DNAH9: variants seen among roughly 807,000 people sequenced by gnomAD.
The protein encoded by DNAH9 is dynein axonemal heavy chain 9.
DNAH9 carries 345 observed loss-of-function variants against 471.6 expected under a neutral mutation model. The ratio of observed to expected loss-of-function variants is 0.73; its 90% CI spans 0.67 to 0.80. The LOEUF (loss-of-function observed/expected upper bound fraction) is 0.80. Among genes scored for constraint, DNAH9 ranks in the 30% least tolerant of loss-of-function variants. DNAH9 has a pLI of 0.00. For missense variants in DNAH9, 5,407 were observed against 5,609.2 expected (o/e 0.96, Z 1.15); for synonymous variants, 2,093 against 2,123.6 (o/e 0.99, Z 0.40).
Position 11,757,635 on chromosome 17 carries a change from A to C in DNAH9, c.6938A>C (p.Asn2313Thr). The C allele has an allele frequency of 6.2e-7, 1 of 1,614,202 alleles. No homozygotes were observed. The highest frequency in any genetic ancestry group is 8.5e-7 in the Non-Finnish European group (1 of 1,180,018). ...EKREIQTERA[N>T]LTILFDKYLP... ...AGGGAAATCCAGACAGAGAGAGCCA[A>C]CTTAACCATTTTGTTCGACAAGTAT... Residue 2313 changes from asparagine to threonine, a missense_variant, in exon 35 of 69, where the codon AAC becomes ACC. Physicochemically the swap from Asn to Thr is moderately conservative, Grantham distance 65. This residue lies in a region of DNAH9 where 4,636 missense variants were observed against 4,900.3 expected (regional missense o/e 0.95). Coordinates refer to ENST00000262442, the MANE Select transcript of DNAH9 (RefSeq NM_001372.4).
chr17:11,604,961 T>C (rs967578770), intron 1 of DNAH9, among the ~76,000 whole-genome samples: 1 of 152,284 alleles, frequency 6.6e-6, no homozygotes, highest in South Asian at 2.1e-4. Flanking sequence ...AAACTTTCAA[T>C]GATGTCCATT....
intron 48 of DNAH9, among the ~76,000 whole-genome samples, chr17:11,827,931 G>A (rs562564502): frequency 3.3e-5 from 5 of 151,970 alleles, no homozygotes; most frequent in East Asian, 1.9e-4. Context: ...GGTGATCCAC[G>A]TCCTTGGTTC....
At chr17:11,795,202 C>T (rs1969201502) in intron 42 of DNAH9, among the ~76,000 whole-genome samples, 1 of 152,108 alleles carries the variant, frequency 6.6e-6, no homozygotes, top group Non-Finnish European at 1.5e-5. Flanking sequence ...TAATAATTTA[C>T]ATAATGAATG....
chr17:11,749,417 C>A (rs946614193), intron 32 of DNAH9, among the ~76,000 whole-genome samples: 3 of 151,984 alleles, frequency 2.0e-5, no homozygotes, highest in Admixed American at 1.3e-4. Context: ...AAGATATTAA[C>A]CCCTTATCTG....
intron 49 of DNAH9, among the ~76,000 whole-genome samples, chr17:11,844,882 T>G (rs1971160146): frequency 6.6e-6 from 1 of 152,204 alleles, no homozygotes; most frequent in Admixed American, 6.5e-5. Flanking sequence ...CGGTTTTGAT[T>G]TGCATTTCTC....
chr17:11,735,412 T>A (rs1567760084), intron 28 of DNAH9, among the ~76,000 whole-genome samples: 1 of 152,062 alleles, frequency 6.6e-6, no homozygotes, highest in Non-Finnish European at 1.5e-5. Context: ...GCTTTCCATT[T>A]TTTTTTGTTT....
intron 55 of DNAH9, among the ~76,000 whole-genome samples, chr17:11,881,872 A>T (rs1231902171): frequency 6.6e-6 from 1 of 151,954 alleles, no homozygotes; most frequent in East Asian, 1.9e-4. Context: ...AGATCGTGCC[A>T]CTGCACTCCA....
chr17:11,655,923 CATACAT>C (rs2073636944), intron 14 of DNAH9, among the ~76,000 whole-genome samples: 1 of 152,066 alleles, frequency 6.6e-6, no homozygotes, highest in Non-Finnish European at 1.5e-5. Context: ...TACACACACA[CATACAT>C]ATACATATCA....
At chr17:11,637,978 G>A (rs1338529668) in intron 9 of DNAH9, among the ~76,000 whole-genome samples, 5 of 152,132 alleles carry the variant, frequency 3.3e-5, no homozygotes, top group Non-Finnish European at 7.3e-5. Flanking sequence ...AAGCAGATAT[G>A]AGAGGATATG....
intron 53 of DNAH9, 59 bp from the exon 54 acceptor site, chr17:11,880,019 G>T (rs932479111): frequency 6.9e-5 from 111 of 1,601,640 alleles, no homozygotes; most frequent in Middle Eastern, 5.0e-4. Context: ...TCATTAAATG[G>T]TCTCAACTCC....
chr17:11,686,823 C>T (rs1397021495), intron 19 of DNAH9, among the ~76,000 whole-genome samples: 1 of 152,172 alleles, frequency 6.6e-6, no homozygotes, highest in African/African-American at 2.4e-5. Context: ...TCCTATCTTA[C>T]CTAAAAAGTT....
rs1179817622 is a variant in DNAH9 at position 11,744,830 on chromosome 17, T to A, written c.6145T>A (p.Ser2049Thr). 1.2e-6 allele frequency: 2 copies of A among 1,614,020 alleles called. No individual in the cohort carries two copies. Among genetic ancestry groups the A allele is most frequent in the Non-Finnish European group, 8.5e-7 (1 of 1,179,930 alleles). ...CGACTGGGGCCTACGGGCCATCAAG[T>A]CCGTGCTGGTGGTGGCAGGATCCCT... ...HYDWGLRAIK[S>T]VLVVAGSLKR... The change falls in exon 31 of 69, where the codon TCC becomes ACC. Residue 2049 changes from serine (S) to threonine (T), a missense_variant. Around this residue, in one of 3 missense-constraint regions of DNAH9, gnomAD observed 4,636 missense variants for 4,900.3 expected, o/e 0.95. Transcript: ENST00000262442.
chr17:11,752,911 T>C lies in DNAH9; in HGVS notation c.6689T>C (p.Ile2230Thr), dbSNP rs925876833. 2.5e-6 allele frequency: 4 copies of C among 1,608,382 alleles called. No homozygotes were observed. In the African/African-American group the frequency reaches 5.3e-5, roughly 22 times the overall value. ...AAGTGGATTTTACTGGATGGCGACA[T>C]AGATCCAATGTGGATTGAATCCCTG... ...GPKWILLDGD[I>T]DPMWIESLNT... The change falls in exon 33 of 69, where the codon ATA becomes ACA. Residue 2230 changes from isoleucine to threonine, a missense_variant. By Grantham distance (89) the Ile-to-Thr change is moderately conservative. Coordinates refer to ENST00000262442, the MANE Select transcript of DNAH9 (RefSeq NM_001372.4).
intron 57 of DNAH9, among the ~76,000 whole-genome samples, chr17:11,888,770 G>GAAAAAT (rs1260838101): frequency 1.6e-4 from 24 of 152,286 alleles, no homozygotes; most frequent in Non-Finnish European, 2.9e-5. Flanking sequence ...CTGTTTTGAA[G>GAAAAAT]AAAAATGGGC....
At chr17:11,835,972 T>C (rs1970838231) in intron 49 of DNAH9, among the ~76,000 whole-genome samples, 1 of 152,196 alleles carries the variant, frequency 6.6e-6, no homozygotes, top group Non-Finnish European at 1.5e-5. Context: ...TCTAGATTTC[T>C]GGGATGTAAG....
At position 11,821,901 on chromosome 17, in the gene DNAH9, G is replaced by C. The variant is rs375662892; in HGVS notation, c.8708-19G>C. The C allele has an allele frequency of 6.2e-7, 1 of 1,604,460 alleles. No individual in the cohort carries two copies. Among genetic ancestry groups the C allele is most frequent in the Non-Finnish European group, 8.5e-7 (1 of 1,176,732 alleles). ...AACGAGATGCCAAGGCTGCCTATCTGTGCTCCATTTTTTCCCAGGGGAGAT... is the reference window on the plus strand; with the variant it reads ...AACGAGATGCCAAGGCTGCCTATCTCTGCTCCATTTTTTCCCAGGGGAGAT... On this transcript the variant is annotated intron_variant, in intron 45 of 68. Coordinates refer to ENST00000262442, the MANE Select transcript of DNAH9 (RefSeq NM_001372.4).
chr17:11,898,084 T>G (rs1973275502), intron 59 of DNAH9, among the ~76,000 whole-genome samples: 2 of 152,080 alleles, frequency 1.3e-5, no homozygotes, highest in Admixed American at 1.3e-4. Context: ...GGCTGTCTTC[T>G]GTGTCCCTCT....
intron 61 of DNAH9, among the ~76,000 whole-genome samples, chr17:11,921,560 A>T (rs908794726): frequency 6.6e-6 from 1 of 152,154 alleles, no homozygotes; most frequent in Non-Finnish European, 1.5e-5. Context: ...CAACAATCTG[A>T]AGGTGAAATC....
chr17:11,654,355 CAAAAA>C (rs527835262), intron 14 of DNAH9, among the ~76,000 whole-genome samples: 4 of 11,258 alleles, frequency 3.6e-4, no homozygotes, highest in East Asian at 2.7e-3. Flanking sequence ...GACTCCGTCT[CAAAAA>C]AAAAAAAAAA....
Sources: gnomAD v4.1 joint callset for allele counts (sites outside exome capture counted in the v4.1 genomes callset) on GRCh38, gnomAD v4.1.1 for gene constraint, gnomAD v4.1.1 regional missense constraint, MANE v1.5 for transcripts, NCBI Gene and HGNC (gene_info 2026-07-23, HGNC 2026-07-21) for gene names.